Variants in CRTC3 observed in about 807,000 individuals in gnomAD.
CRTC3 encodes the protein CREB regulated transcription coactivator 3, also known as CREB-regulated transcription coactivator 3.
A neutral mutation model predicts 74.5 loss-of-function variants in CRTC3; 26 were observed. That is an observed-to-expected ratio of 0.35 (90% CI 0.26 to 0.48). The LOEUF is 0.48. Ranked by LOEUF, CRTC3 falls within the 20% of genes least tolerant of loss-of-function variation. The pLI, the probability that CRTC3 is intolerant of heterozygous loss-of-function variation, is 0.99. For missense variants in CRTC3, 760 were observed against 787.3 expected (o/e 0.97, Z 0.41); for synonymous variants, 377 against 325.8 (o/e 1.16, Z -1.69).
chr15:90,598,323 CT>C, intron 3 of CRTC3: 1 of 661,180 alleles, frequency 1.5e-6, no homozygotes, highest in Non-Finnish European at 2.7e-6. Context: ...TTGTTTTCAG[CT>C]TCTGTGGCTC....
At chr15:90,578,185 G>A (rs776281102) in intron 2 of CRTC3, among the ~76,000 whole-genome samples, 3 of 152,114 alleles carry the variant, frequency 2.0e-5, no homozygotes, top group Non-Finnish European at 4.4e-5. Flanking sequence ...CCAAAGTGCT[G>A]GGATTACAGG....
chr15:90,611,966 G>A (rs1968365616), intron 6 of CRTC3, among the ~76,000 whole-genome samples: 2 of 150,616 alleles, frequency 1.3e-5, no homozygotes, highest in South Asian at 4.2e-4. Flanking sequence ...CTCCCACCAT[G>A]TGCTGCAGCC....
chr15:90,605,014 A>T (rs1968177729), intron 5 of CRTC3, among the ~76,000 whole-genome samples: 1 of 152,116 alleles, frequency 6.6e-6, no homozygotes, highest in Non-Finnish European at 1.5e-5. Context: ...TAGTCCCAAC[A>T]CTTTGGGAGG....
intron 1 of CRTC3, among the ~76,000 whole-genome samples, chr15:90,536,460 A>G (rs1025691350): frequency 2.7e-5 from 4 of 148,398 alleles, no homozygotes; most frequent in African/African-American, 1.0e-4. Context: ...GTGACACTGC[A>G]CTCCAGCCTG....
intron 1 of CRTC3, among the ~76,000 whole-genome samples, chr15:90,536,448 T>C (rs374201791): frequency 6.6e-6 from 1 of 151,034 alleles, no homozygotes; most frequent in African/African-American, 2.4e-5. Flanking sequence ...TGAGCTGTGA[T>C]TGTGACACTG....
At position 90,530,113 on chromosome 15, in the gene CRTC3, G is replaced by A; in HGVS notation, c.42G>A (p.Lys14=). 6.9e-7 allele frequency: 1 copy of A among 1,458,178 alleles called. No homozygotes were observed. Among genetic ancestry groups the A allele is most frequent in the South Asian group, 1.2e-5 (1 of 82,542 alleles). 90.3% of individuals were successfully genotyped at this position (1,458,178 alleles called of 1,614,324 possible). Residue 14 remains lysine (K), a synonymous_variant, in exon 1 of 15, where the codon AAG becomes AAA. Transcript: ENST00000268184. This position sits in a 1 kb window ranked among gnomAD's most constrained non-coding sequence, Gnocchi z 6.2. Reference sequence around the variant, plus strand: ...GCTCGGGCAGCGCCAACCCGCGGAAGTTCAGTGAGAAGATCGCGCTGCACA... The same window carrying A: ...GCTCGGGCAGCGCCAACCCGCGGAAATTCAGTGAGAAGATCGCGCTGCACA... ...SPGSGSANPR[K]FSEKIALHTQ...
intron 11 of CRTC3, 133 bp from the exon 12 acceptor site, chr15:90,638,313 C>T: frequency 1.5e-6 from 1 of 681,386 alleles, no homozygotes; most frequent in South Asian, 1.9e-5. Flanking sequence ...AAACGGGCTT[C>T]TCACAGCATT....
chr15:90,555,732 G>C (rs1307508231), intron 2 of CRTC3, among the ~76,000 whole-genome samples: 1 of 152,104 alleles, frequency 6.6e-6, no homozygotes, highest in Admixed American at 6.5e-5. Context: ...TGGCAGGCTG[G>C]TCCGAAACTC....
At chr15:90,543,160 G>T (rs1399818561) in intron 2 of CRTC3, among the ~76,000 whole-genome samples, 2 of 150,646 alleles carry the variant, frequency 1.3e-5, no homozygotes, top group African/African-American at 4.9e-5. Context: ...GGCCAGATGT[G>T]GTGGTGCACG....
intron 2 of CRTC3, among the ~76,000 whole-genome samples, chr15:90,559,548 A>C (rs565863731): frequency 6.6e-6 from 1 of 152,336 alleles, no homozygotes; most frequent in African/African-American, 2.4e-5. Context: ...ATTAGATGAG[A>C]TCATGGGTGC....
chr15:90,575,332 G>A (rs946202771), intron 2 of CRTC3, among the ~76,000 whole-genome samples: 7 of 152,316 alleles, frequency 4.6e-5, no homozygotes, highest in Non-Finnish European at 8.8e-5. Flanking sequence ...GACTGGGCTA[G>A]AAGGATGAAA....
At chr15:90,551,944 G>GCACGCA (rs1693890329) in intron 2 of CRTC3, among the ~76,000 whole-genome samples, 2 of 129,198 alleles carry the variant, frequency 1.5e-5, no homozygotes, top group Admixed American at 7.5e-5. Flanking sequence ...ACACACACAC[G>GCACGCA]CACACACACA....
chr15:90,568,680 C>T (rs544977156), intron 2 of CRTC3, among the ~76,000 whole-genome samples: 1 of 152,036 alleles, frequency 6.6e-6, no homozygotes, highest in African/African-American at 2.4e-5. Flanking sequence ...AAAGTGTTAC[C>T]CAGCAGCATC....
At chr15:90,602,525 T>C (rs1265521073) in intron 4 of CRTC3, 140 bp downstream of exon 4, 2 of 606,280 alleles carry the variant, frequency 3.3e-6, no homozygotes, top group Non-Finnish European at 5.8e-6. Context: ...TTAATTTCAG[T>C]GGGAGGATCA....
intron 2 of CRTC3, among the ~76,000 whole-genome samples, chr15:90,577,245 G>A (rs550508254): frequency 2.0e-5 from 3 of 152,154 alleles, no homozygotes; most frequent in African/African-American, 2.4e-5. Context: ...ACATTTAAAT[G>A]CAGATGGAAA....
intron 2 of CRTC3, among the ~76,000 whole-genome samples, chr15:90,583,641 G>A (rs1967593226): frequency 2.0e-5 from 3 of 152,124 alleles, no homozygotes; most frequent in South Asian, 4.1e-4. Flanking sequence ...GCAGGCTGCT[G>A]GGGGAAAAGC....
At chr15:90,531,312 A>G (rs1254466591) in intron 1 of CRTC3, among the ~76,000 whole-genome samples, 1 of 152,138 alleles carries the variant, frequency 6.6e-6, no homozygotes, top group Admixed American at 6.5e-5. Context: ...GAATTCCTAC[A>G]TGACAGCTAC....
At chr15:90,628,664 G>A (rs1238737912) in intron 10 of CRTC3, among the ~76,000 whole-genome samples, 1 of 152,152 alleles carries the variant, frequency 6.6e-6, no homozygotes, top group Non-Finnish European at 1.5e-5. Flanking sequence ...AGACTGTGAT[G>A]AACAATTTCC....
intron 2 of CRTC3, among the ~76,000 whole-genome samples, chr15:90,548,675 G>A (rs1010599129): frequency 2.6e-5 from 4 of 152,152 alleles, no homozygotes; most frequent in African/African-American, 9.7e-5. Context: ...AACCACAGCT[G>A]ACATTTATTG....
Sources: gnomAD v4.1 joint callset for allele counts (sites outside exome capture counted in the v4.1 genomes callset) on GRCh38, gnomAD v4.1.1 for gene constraint, Gnocchi (gnomAD v3.1) non-coding constraint, MANE v1.5 for transcripts, NCBI Gene and HGNC (gene_info 2026-07-23, HGNC 2026-07-21) for gene names.